The following MPZL1 variants were observed in gnomAD, a reference collection of about 807,000 sequenced individuals.
MPZL1 encodes myelin protein zero-like protein 1.
Under a neutral mutation model 29.3 loss-of-function variants are expected in MPZL1, and 16 were observed. The observed-to-expected ratio is 0.55, with a 90% CI of 0.37 to 0.83. The LOEUF is 0.83. MPZL1 is among the 40% of genes least tolerant of loss of function. MPZL1 has a pLI of 0.00. For synonymous variants in MPZL1, 143 were observed against 132.0 expected, an observed-to-expected ratio of 1.08 and a Z score of -0.57; for missense variants, 279 against 332.9, an observed-to-expected ratio of 0.84 and a Z score of 1.26.
intron 2 of MPZL1, among the ~76,000 whole-genome samples, chr1:167,771,945 A>C (rs920403261): frequency 3.9e-5 from 6 of 152,192 alleles, no homozygotes; most frequent in Non-Finnish European, 4.4e-5. Context: ...TCAACACGGC[A>C]AAACCCCTCT....
chr1:167,770,283 G>A (rs1039708199), intron 2 of MPZL1, among the ~76,000 whole-genome samples: 1 of 152,164 alleles, frequency 6.6e-6, no homozygotes, highest in African/African-American at 2.4e-5. Context: ...CCATCACCCC[G>A]TCCATTAACC....
intron 2 of MPZL1, among the ~76,000 whole-genome samples, chr1:167,770,027 A>G (rs1306491470): frequency 6.6e-6 from 1 of 152,172 alleles, no homozygotes; most frequent in Non-Finnish European, 1.5e-5. Context: ...GGGGAAGATG[A>G]AGTTTGTAAG....
At chr1:167,758,906 A>C (rs1282016320) in intron 1 of MPZL1, among the ~76,000 whole-genome samples, 1 of 152,248 alleles carries the variant, frequency 6.6e-6, no homozygotes, top group Non-Finnish European at 1.5e-5. Context: ...AAGTAAGCTC[A>C]GCTCTCATTT....
At chr1:167,748,180 G>A (rs1174584296) in intron 1 of MPZL1, among the ~76,000 whole-genome samples, 1 of 152,124 alleles carries the variant, frequency 6.6e-6, no homozygotes, top group African/African-American at 2.4e-5. Context: ...CTATTGCTGA[G>A]TCATCATAAC....
At chr1:167,723,180 G>A (rs368050037) in intron 1 of MPZL1, among the ~76,000 whole-genome samples, 17 of 152,246 alleles carry the variant, frequency 1.1e-4, no homozygotes, top group African/African-American at 4.1e-4. Flanking sequence ...AAGAGGGCCA[G>A]CTGCTAAGAA....
rs1479467821 is a variant in MPZL1 at position 167,765,868 on chromosome 1, A to G, written c.258+119A>G. The G allele has an allele frequency of 1.3e-5, 13 of 967,668 alleles. No individual in the cohort carries two copies. The East Asian group carries it at 1.7e-4, about 12-fold the overall frequency. 59.9% of individuals were successfully genotyped at this position (967,668 alleles called of 1,614,324 possible). A position where few individuals can be genotyped will look rare whatever the true frequency, so the allele number is the denominator to read the frequency against. ...AAAATGAGTGTATTTTTTATCTGTT[A>G]TAGACTTCAAGGCCCTTCTTTTGCT... is the stretch of plus-strand genomic sequence containing the variant. On this transcript the variant is annotated intron_variant, in intron 2 of 5. Transcript: ENST00000359523.
At chr1:167,765,046 T>A (rs1490167250) in intron 1 of MPZL1, 1 of 152,288 alleles carries the variant, frequency 6.6e-6, no homozygotes, top group African/African-American at 2.4e-5. Context: ...AACTATTCTG[T>A]ATGATACTGT....
At position 167,749,838 on chromosome 1, in the gene MPZL1, T is replaced by TACTGG. The variant is rs141237820; in HGVS notation, c.92-15743_92-15739dup. The stretch of plus-strand genomic sequence containing the variant: ...TAATTAGAGGTGAAATAGAGGCTAC[T>TACTGG]ACTGGAGGCAAGCTGCAATCAGCAG... On this transcript the variant is annotated intron_variant, in intron 1 of 5. Transcript: ENST00000359523. Among the ~76,000 whole-genome samples the TACTGG allele has an allele frequency of 2.8e-3, 421 of 152,356 alleles. 4 individuals carry two copies. The highest frequency in any genetic ancestry group is 9.2e-3 in the African/African-American group (384 of 41,578).
chr1:167,741,475 G>A (rs1336775698), intron 1 of MPZL1, among the ~76,000 whole-genome samples: 2 of 151,342 alleles, frequency 1.3e-5, no homozygotes, highest in African/African-American at 2.4e-5. Context: ...ACAGGCACAC[G>A]CCACCACGCC....
chr1:167,728,442 A>C lies in MPZL1; in HGVS notation c.91+6200A>C, dbSNP rs369090476. Among the ~76,000 whole-genome samples, 44 of 142,524 alleles carry C rather than the reference A, an allele frequency of 3.1e-4. 1 individual carries two copies. In the East Asian group the frequency reaches 7.4e-3, roughly 24 times the overall value. The allele number at this position is 142,524 out of a possible 152,430, so 93.5% of individuals were successfully genotyped here. A position where few individuals can be genotyped will look rare whatever the true frequency, so the allele number is the denominator to read the frequency against. On this transcript the variant is annotated intron_variant, in intron 1 of 5. Coordinates refer to ENST00000359523, the MANE Select transcript of MPZL1 (RefSeq NM_003953.6). ...AGGCTGGTCTCGAACTCCTGACCTC[A>C]GGTGATCCACCCGCCTCGGCCTCCC...
chr1:167,755,341 ATACTATAAACC>A (rs1660848011), intron 1 of MPZL1, among the ~76,000 whole-genome samples: 1 of 152,200 alleles, frequency 6.6e-6, no homozygotes, highest in African/African-American at 2.4e-5. Flanking sequence ...ATCTTCAAAC[ATACTATAAACC>A]TGATAAGATT....
intron 1 of MPZL1, 23 bp downstream of exon 1, chr1:167,722,265 C>CTGGGGCCGGGGAG (rs935087311): frequency 8.1e-7 from 1 of 1,236,466 alleles, no homozygotes; most frequent in African/African-American, 1.6e-5. Flanking sequence ...AGGACCAGGG[C>CTGGGGCCGGGGAG]TGGGGCCGGG....
chr1:167,739,312 C>CATATATATATAT (rs1346286313), intron 1 of MPZL1, among the ~76,000 whole-genome samples: 1 of 82,076 alleles, frequency 1.2e-5, no homozygotes, highest in African/African-American at 6.3e-5. Flanking sequence ...TATATATACA[C>CATATATATATAT]ATATATATAT....
intron 1 of MPZL1, among the ~76,000 whole-genome samples, chr1:167,722,454 T>C (rs1999842): frequency 0.13 from 20,338 of 152,210 alleles, 2,171 homozygotes; most frequent in African/African-American, 0.29. Flanking sequence ...CTTTCTTCTC[T>C]TTCCTGGATC....
Position 167,749,839 on chromosome 1 carries a change from A to G in MPZL1, c.92-15744A>G, listed in dbSNP as rs570269002. On this transcript the variant is annotated intron_variant, in intron 1 of 5. Coordinates refer to ENST00000359523, the MANE Select transcript of MPZL1 (RefSeq NM_003953.6). ...AATTAGAGGTGAAATAGAGGCTACTACTGGAGGCAAGCTGCAATCAGCAGT... is the reference window on the plus strand; with the variant it reads ...AATTAGAGGTGAAATAGAGGCTACTGCTGGAGGCAAGCTGCAATCAGCAGT... Among the ~76,000 whole-genome samples the G allele has an allele frequency of 2.0e-5, 3 of 151,520 alleles. No individual in the cohort carries two copies. In the East Asian group the frequency reaches 5.8e-4, roughly 29 times the overall value.
intron 1 of MPZL1, among the ~76,000 whole-genome samples, chr1:167,728,778 C>T (rs1660207932): frequency 6.6e-6 from 1 of 152,152 alleles, no homozygotes; most frequent in Non-Finnish European, 1.5e-5. Context: ...GTTAGAAATG[C>T]AGTATGTCTT....
intron 5 of MPZL1, 109 bp from the exon 6 acceptor site, chr1:167,787,711 C>A (rs1036936671): frequency 1.6e-5 from 12 of 743,492 alleles, no homozygotes; most frequent in Non-Finnish European, 2.7e-5. Flanking sequence ...AGAGGGAAGT[C>A]TTTGCTTTGG....
intron 5 of MPZL1, among the ~76,000 whole-genome samples, chr1:167,779,037 A>C (rs1028669732): frequency 6.6e-6 from 1 of 151,808 alleles, no homozygotes; most frequent in Non-Finnish European, 1.5e-5. Flanking sequence ...CAAGAAAATC[A>C]CTTGAACCTG....
chr1:167,760,071 C>T (rs1485764342), intron 1 of MPZL1, among the ~76,000 whole-genome samples: 2 of 152,076 alleles, frequency 1.3e-5, no homozygotes, highest in Admixed American at 1.3e-4. Context: ...GTGGGGAAGG[C>T]TGAAGGAGGC....
Sources: allele counts gnomAD v4.1 joint callset (sites outside exome capture counted in the v4.1 genomes callset), GRCh38; gene constraint gnomAD v4.1.1; transcripts MANE v1.5; gene names NCBI Gene and HGNC (gene_info 2026-07-23, HGNC 2026-07-21).